RARB: variants seen among roughly 807,000 people sequenced by gnomAD.
RARB encodes the protein HBV-activated protein.
In RARB, 17 loss-of-function variants were observed where a neutral mutation model predicts 51.9. That is an observed-to-expected ratio of 0.33 (90% CI 0.22 to 0.49). The LOEUF (loss-of-function observed/expected upper bound fraction) is 0.49. Ranked by LOEUF, RARB falls within the 20% of genes least tolerant of loss-of-function variation. RARB has a pLI of 0.99. For synonymous variants in RARB, 215 were observed against 195.4 expected, an observed-to-expected ratio of 1.10 and a Z score of -0.84; for missense variants, 369 against 550.8, an observed-to-expected ratio of 0.67 and a Z score of 3.30.
At chr3:25,378,498 A>T (rs929089311) in intron 5 of RARB, among the ~76,000 whole-genome samples, 1 of 152,212 alleles carries the variant, frequency 6.6e-6, no homozygotes, top group Non-Finnish European at 1.5e-5. Context: ...AAAAAAATCT[A>T]TTCTATTTAA....
chr3:25,035,319 G>A (rs149530731), intron 2 of RARB, among the ~76,000 whole-genome samples: 2,721 of 151,440 alleles, frequency 0.018, 42 homozygotes, highest in East Asian at 0.051. Flanking sequence ...ACAGGGTTTC[G>A]CCATGTTGCC....
At chr3:25,362,474 G>A (rs1705973604) in intron 5 of RARB, among the ~76,000 whole-genome samples, 1 of 152,146 alleles carries the variant, frequency 6.6e-6, no homozygotes, top group Non-Finnish European at 1.5e-5. Flanking sequence ...CCTTTCCAGG[G>A]GAGTGAACGG....
chr3:25,134,116 C>G lies in RARB; in HGVS notation c.-280+1908C>G, dbSNP rs577097802. ...ACTAGTTGTATGGCATTTTGTTAAC[C>G]GAATCTCTTTGGTTACTGGAAATTT... is the stretch of plus-strand genomic sequence containing the variant. On this transcript the variant is annotated intron_variant, in intron 4 of 11. Coordinates refer to the RARB transcript ENST00000383772. Among the ~76,000 whole-genome samples the G allele has an allele frequency of 3.3e-5, 5 of 151,858 alleles. No homozygotes were observed. The East Asian group carries it at 9.7e-4, about 29-fold the overall frequency.
intron 4 of RARB, among the ~76,000 whole-genome samples, chr3:25,141,468 A>G (rs796680369): frequency 3.3e-5 from 5 of 152,272 alleles, no homozygotes; most frequent in African/African-American, 4.8e-5. Flanking sequence ...TGATCTGCCA[A>G]TTTCAGAGGG....
chr3:25,443,249 AAAGT>A (rs1708777785), intron 1 of RARB, among the ~76,000 whole-genome samples: 1 of 152,182 alleles, frequency 6.6e-6, no homozygotes. Context: ...CTGGGATGGC[AAAGT>A]AAGTAAGCCC....
At position 24,989,774 on chromosome 3, in the gene RARB, C is replaced by CTTTT. The variant is rs769275874; in HGVS notation, c.-379-70318_-379-70315dup. Among the ~76,000 whole-genome samples, 32 of 29,524 alleles carry CTTTT rather than the reference C, an allele frequency of 1.1e-3. 10 individuals are homozygous for CTTTT. The highest frequency in any genetic ancestry group is 1.6e-3 in the Non-Finnish European group (26 of 16,220). The allele number at this position is 29,524 out of a possible 152,430, so 19.4% of individuals were successfully genotyped here. A position where few individuals can be genotyped will look rare whatever the true frequency, so the allele number is the denominator to read the frequency against. ...ATTTTAACTGTTGTCATATGTTTTT[C>CTTTT]TTTTTTTTTTTTTTTTTTTTTTTTT... On this transcript the variant is annotated intron_variant, in intron 2 of 11. Coordinates refer to the RARB transcript ENST00000383772.
chr3:25,233,719 A>C (rs1424643775), intron 5 of RARB, among the ~76,000 whole-genome samples: 1 of 150,700 alleles, frequency 6.6e-6, no homozygotes, highest in African/African-American at 2.4e-5. Context: ...TATTTGGGTA[A>C]GAGAATTTAT....
chr3:25,266,250 C>T (rs986056378), intron 5 of RARB, among the ~76,000 whole-genome samples: 1 of 151,996 alleles, frequency 6.6e-6, no homozygotes, highest in Non-Finnish European at 1.5e-5. Flanking sequence ...TAATATTTTG[C>T]TTAATACAAC....
intron 5 of RARB, among the ~76,000 whole-genome samples, chr3:25,376,994 T>C (rs1319137156): frequency 1.3e-5 from 2 of 152,164 alleles, no homozygotes; most frequent in Non-Finnish European, 2.9e-5. Flanking sequence ...GCTTTGTTTT[T>C]CTTCTTTCAA....
At chr3:24,850,675 G>A (rs1389457567) in intron 1 of RARB, among the ~76,000 whole-genome samples, 7 of 152,142 alleles carry the variant, frequency 4.6e-5, no homozygotes, top group African/African-American at 1.4e-4. Flanking sequence ...TTTTCAAGTG[G>A]GTAATGTGAG....
rs1703343830 is a variant in RARB at position 24,889,881 on chromosome 3, A to C, written c.-380+31129A>C. Among the ~76,000 whole-genome samples the C allele has an allele frequency of 5.9e-5, 9 of 151,478 alleles. No homozygotes were observed. The South Asian group carries it at 1.9e-3, about 32-fold the overall frequency. On this transcript the variant is annotated intron_variant, in intron 2 of 11. Transcript: ENST00000383772. ...AGAATTTTGGCAGACCATTCTAAGAAGTTACCTTCAGGATAAGAGCAGGCA... is the reference window on the plus strand; with the variant it reads ...AGAATTTTGGCAGACCATTCTAAGACGTTACCTTCAGGATAAGAGCAGGCA...
At chr3:25,229,859 G>A (rs1374057364) in intron 5 of RARB, among the ~76,000 whole-genome samples, 2 of 152,120 alleles carry the variant, frequency 1.3e-5, no homozygotes, top group African/African-American at 4.8e-5. Flanking sequence ...GAGAGGTAAT[G>A]GATGAGCTGG....
chr3:25,476,841 C>T (rs1479437849), intron 2 of RARB, among the ~76,000 whole-genome samples: 1 of 152,190 alleles, frequency 6.6e-6, no homozygotes, highest in Non-Finnish European at 1.5e-5. Flanking sequence ...GAAACTCTTT[C>T]ATGAATAGTT....
At chr3:25,403,708 C>T (rs1707326902) in intron 5 of RARB, among the ~76,000 whole-genome samples, 1 of 151,816 alleles carries the variant, frequency 6.6e-6, no homozygotes, top group Non-Finnish European at 1.5e-5. Flanking sequence ...ATCTTAATAA[C>T]TTTTTCAGCT....
intron 4 of RARB, among the ~76,000 whole-genome samples, chr3:25,165,847 A>G (rs1163002687): frequency 1.3e-5 from 2 of 152,338 alleles, no homozygotes; most frequent in Non-Finnish European, 1.5e-5. Flanking sequence ...TCAGTGTTTT[A>G]TACATTGTAA....
chr3:25,205,839 C>A (rs893489668), intron 5 of RARB, among the ~76,000 whole-genome samples: 6 of 151,936 alleles, frequency 3.9e-5, no homozygotes, highest in African/African-American at 1.5e-4. Flanking sequence ...ACCTCCTGGG[C>A]TCAAATGATC....
At chr3:25,580,328 C>T (rs1301041493) in intron 4 of RARB, among the ~76,000 whole-genome samples, 2 of 152,322 alleles carry the variant, frequency 1.3e-5, no homozygotes, top group Admixed American at 6.5e-5. Context: ...GAGCTGAGAT[C>T]GTGCTACTGC....
chr3:25,428,468 G>A lies in RARB; in HGVS notation c.-264G>A. 1.6e-6 allele frequency: 2 copies of A among 1,267,782 alleles called. No individual in the cohort carries two copies. Among genetic ancestry groups the A allele is most frequent in the South Asian group, 6.4e-5 (2 of 31,202 alleles). The allele number at this position is 1,267,782 out of a possible 1,614,324, so 78.5% of individuals were successfully genotyped here. On this transcript the variant is annotated 5_prime_UTR_variant, in exon 1 of 8. Transcript: ENST00000330688. Reference sequence around the variant, plus strand: ...TTTTGCAAGCATTTACTTGGAAGGAGAACTTGGGATCTTTCTGGGAACCCC... The same window carrying A: ...TTTTGCAAGCATTTACTTGGAAGGAAAACTTGGGATCTTTCTGGGAACCCC...
At chr3:25,035,348 C>T (rs551841696) in intron 2 of RARB, among the ~76,000 whole-genome samples, 1 of 151,112 alleles carries the variant, frequency 6.6e-6, no homozygotes, top group African/African-American at 2.4e-5. Flanking sequence ...TCTCCAACTC[C>T]GTAGCTCAAG....
Sources: allele counts gnomAD v4.1 joint callset (sites outside exome capture counted in the v4.1 genomes callset), GRCh38; gene constraint gnomAD v4.1.1; transcripts MANE v1.5; gene names NCBI Gene and HGNC (gene_info 2026-07-23, HGNC 2026-07-21).